The following BABAM1 variants were observed in gnomAD, a reference collection of about 807,000 sequenced individuals.
BABAM1 encodes BRISC and BRCA1 A complex member 1, also known as BRISC and BRCA1-A complex member 1.
BABAM1 carries 14 observed loss-of-function variants against 34.4 expected under a neutral mutation model. The observed-to-expected ratio is 0.41, with a 90% CI of 0.27 to 0.64. BABAM1 has a LOEUF of 0.64. Among genes scored for constraint, BABAM1 ranks in the 30% least tolerant of loss-of-function variants. The pLI is 0.34. For synonymous variants in BABAM1, 169 were observed against 165.8 expected (o/e 1.02, Z -0.15); for missense variants, 393 against 434.0 (o/e 0.91, Z 0.84).
At chr19:17,273,144 G>T (rs2073862310) in intron 3 of BABAM1, among the ~76,000 whole-genome samples, 1 of 152,228 alleles carries the variant, frequency 6.6e-6, no homozygotes. Context: ...ACTTGCTCAA[G>T]GGCTCAGAGT....
At chr19:17,277,141 A>C (rs2073919200) in intron 8 of BABAM1, 1 of 481,256 alleles carries the variant, frequency 2.1e-6, no homozygotes, top group South Asian at 3.5e-5. Context: ...TGCCTCCCCC[A>C]TCTCCAACGT....
At chr19:17,268,650 A>G (rs986516922) in intron 1 of BABAM1, 144 bp from the exon 2 acceptor site, 1 of 882,574 alleles carries the variant, frequency 1.1e-6, no homozygotes, top group Non-Finnish European at 1.7e-6. Flanking sequence ...GCTGGTCTCG[A>G]ACTTCCAACC....
chr19:17,270,729 C>T (rs2073830851), intron 2 of BABAM1, among the ~76,000 whole-genome samples: 1 of 152,110 alleles, frequency 6.6e-6, no homozygotes, highest in African/African-American at 2.4e-5. Context: ...GCTCTGTCGC[C>T]CAGGCTGGAG....
At chr19:17,271,475 G>A (rs2073840183) in intron 2 of BABAM1, 122 bp from the exon 3 acceptor site, 3 of 1,061,500 alleles carry the variant, frequency 2.8e-6, no homozygotes, top group Admixed American at 2.5e-5. Context: ...AGATGGCTTG[G>A]CTGAGGATTA....
chr19:17,276,886 AAGG>A lies in BABAM1; in HGVS notation c.772_774del (p.Glu258del), dbSNP rs2073915869. The A allele has an allele frequency of 5.0e-6, 8 of 1,600,492 alleles. No individual in the cohort carries two copies. The highest frequency in any genetic ancestry group is 4.5e-5 in the East Asian group (2 of 44,432). ...TTACATCCACAATGGCACTGAGGAGAAGGAGGAGGAGATGAGTTGGAAGGTGAG... is the reference window on the plus strand; with the variant it reads ...TTACATCCACAATGGCACTGAGGAGAAGGAGGAGATGAGTTGGAAGGTGAG... On this transcript the variant is annotated inframe_deletion, in exon 8 of 9. Coordinates refer to ENST00000598188, the MANE Select transcript of BABAM1 (RefSeq NM_014173.4).
chr19:17,269,022 C>T lies in BABAM1; in HGVS notation c.216C>T (p.Ser72=), dbSNP rs573619283. The change falls in exon 2 of 9, where the codon TCC becomes TCT. Residue 72 remains serine, a synonymous_variant. Transcript: ENST00000598188. Reference sequence around the variant, plus strand: ...ACACTTCAGGAGCCGGCCCTAAGTCCTGGCAGGTGCCCCCGCCAGCCCCTG... The same window carrying T: ...ACACTTCAGGAGCCGGCCCTAAGTCTTGGCAGGTGCCCCCGCCAGCCCCTG... The part of the protein sequence containing the change: ...SLNTSGAGPK[S]WQVPPPAPEV... 7.7e-5 allele frequency: 123 copies of T among 1,593,280 alleles called. No homozygotes were observed. In the South Asian group the frequency reaches 1.3e-3, roughly 17 times the overall value.
At chr19:17,277,924 C>T (rs1359360175) in intron 8 of BABAM1, among the ~76,000 whole-genome samples, 1 of 151,744 alleles carries the variant, frequency 6.6e-6, no homozygotes, top group Non-Finnish European at 1.5e-5. Flanking sequence ...CACCTGTAAT[C>T]CCAGCACTTT....
At chr19:17,271,388 C>T (rs2073839346) in intron 2 of BABAM1, among the ~76,000 whole-genome samples, 1 of 152,204 alleles carries the variant, frequency 6.6e-6, no homozygotes, top group African/African-American at 2.4e-5. Context: ...GTCACACATT[C>T]TCTGGCTCAT....
intron 8 of BABAM1, 48 bp from the exon 9 acceptor site, chr19:17,278,797 G>A (rs749859343): frequency 1.9e-6 from 3 of 1,546,264 alleles, no homozygotes; most frequent in African/African-American, 2.7e-5. Flanking sequence ...GCCTGTTGGG[G>A]TAACCTCTGC....
intron 5 of BABAM1, 93 bp downstream of exon 5, chr19:17,274,278 G>A: frequency 2.0e-6 from 3 of 1,488,204 alleles, no homozygotes; most frequent in Non-Finnish European, 2.8e-6. Flanking sequence ...ACTCTGGCTG[G>A]CTGAGGTTCA....
intron 2 of BABAM1, among the ~76,000 whole-genome samples, chr19:17,269,995 A>G (rs2073820165): frequency 6.7e-6 from 1 of 149,852 alleles, no homozygotes. Flanking sequence ...CAGTGGCGCT[A>G]TCTCGGCTCA....
chr19:17,274,052 C>T (rs2073879051), intron 4 of BABAM1, 28 bp downstream of exon 4: 3 of 1,613,722 alleles, frequency 1.9e-6, no homozygotes. Flanking sequence ...GCTGGGTGCC[C>T]TGGGGTCCCC....
At chr19:17,276,257 C>G in intron 6 of BABAM1, 1 of 587,832 alleles carries the variant, frequency 1.7e-6, no homozygotes. Flanking sequence ...ATCGCTTGAA[C>G]CTGGGAGGTA....
intron 7 of BABAM1, 39 bp from the exon 8 acceptor site, chr19:17,276,784 C>T (rs2073914391): frequency 6.3e-7 from 1 of 1,579,422 alleles, no homozygotes; most frequent in Non-Finnish European, 8.6e-7. Flanking sequence ...ACGGGGTGAC[C>T]CAAGCCCCAG....
At position 17,268,379 on chromosome 19, in the gene BABAM1, C is replaced by T. The variant is rs577597928; in HGVS notation, c.-13-415C>T. Among the ~76,000 whole-genome samples the T allele has an allele frequency of 4.6e-5, 7 of 151,584 alleles. No individual in the cohort carries two copies. The East Asian group carries it at 1.4e-3, about 29-fold the overall frequency. On this transcript the variant is annotated intron_variant, in intron 1 of 8. Coordinates refer to ENST00000598188, the MANE Select transcript of BABAM1 (RefSeq NM_014173.4). ...AAGTGACTCCCTAAGAGGAGTGACT[C>T]ATCATCAGTAAGCGGCTCATCGCCC...
chr19:17,272,048 CT>C, intron 3 of BABAM1, among the ~76,000 whole-genome samples: 1 of 152,192 alleles, frequency 6.6e-6, no homozygotes, highest in East Asian at 1.9e-4. Context: ...TCAAGCCATT[CT>C]TGTGCCTCAT....
intron 5 of BABAM1, 76 bp from the exon 6 acceptor site, chr19:17,275,724 TG>T: frequency 6.3e-7 from 1 of 1,591,280 alleles, no homozygotes; most frequent in Non-Finnish European, 8.6e-7. Context: ...GGGTCTCCTC[TG>T]GTATCGGGAT....
intron 8 of BABAM1, among the ~76,000 whole-genome samples, chr19:17,278,475 AT>A (rs1009168645): frequency 4.0e-4 from 60 of 151,876 alleles, no homozygotes; most frequent in African/African-American, 1.2e-3. Context: ...CGCCCGGCTA[AT>A]TTTTTGTATT....
In BABAM1 at chr19:17,268,839, A is replaced by G. The variant is rs759380492; in HGVS notation, c.33A>G (p.Glu11=). 1 of 1,610,524 alleles carries G rather than the reference A, an allele frequency of 6.2e-7. No homozygotes were observed. Among genetic ancestry groups the G allele is most frequent in the Non-Finnish European group, 8.5e-7 (1 of 1,178,348 alleles). The stretch of plus-strand genomic sequence containing the variant: ...TGGCAGAGCCCAGCAGCCCCACTGA[A>G]GAGGAGGAGGAGGAAGAGGAGCACT... The part of the protein sequence containing the change: MEVAEPSSPT[E]EEEEEEEHSA... The change falls in exon 2 of 9, where the codon GAA becomes GAG. Residue 11 remains glutamate, a synonymous_variant. Transcript: ENST00000598188.
Sources: gnomAD v4.1 joint callset for allele counts (sites outside exome capture counted in the v4.1 genomes callset) on GRCh38, gnomAD v4.1.1 for gene constraint, MANE v1.5 for transcripts, NCBI Gene and HGNC (gene_info 2026-07-23, HGNC 2026-07-21) for gene names.